The following LRRC8C variants were observed in gnomAD, a reference collection of about 807,000 sequenced individuals.
LRRC8C encodes leucine rich repeat containing 8 VRAC subunit C.
Under a neutral mutation model 55.3 loss-of-function variants are expected in LRRC8C, and 20 were observed. The ratio of observed to expected loss-of-function variants is 0.36; its 90% CI spans 0.25 to 0.53. LRRC8C has a LOEUF of 0.53. Among genes scored for constraint, LRRC8C ranks in the 20% least tolerant of loss-of-function variants. The probability of loss-of-function intolerance (pLI) is 0.92; values close to 1 mark genes in which losing one functional copy is unlikely to be tolerated. For missense variants in LRRC8C, 659 were observed against 951.4 expected (o/e 0.69, Z 4.04); for synonymous variants, 376 against 360.7 (o/e 1.04, Z -0.48).
Position 89,715,059 on chromosome 1 carries a change from T to A in LRRC8C, c.*77T>A. The A allele has an allele frequency of 1.0e-6, 1 of 963,228 alleles. No homozygotes were observed. Among genetic ancestry groups the A allele is most frequent in the South Asian group, 2.7e-5 (1 of 36,574 alleles). The allele number at this position is 963,228 out of a possible 1,614,324, so 59.7% of individuals were successfully genotyped here. On this transcript the variant is annotated 3_prime_UTR_variant, in exon 3 of 3. Transcript: ENST00000370454. Reference sequence around the variant, plus strand: ...AAATAATTAGGTAGTCTTAATGCCTTTCCTATTTTTTTTTCCTTTTCACAC... The same window carrying A: ...AAATAATTAGGTAGTCTTAATGCCTATCCTATTTTTTTTTCCTTTTCACAC...
At chr1:89,629,389 A>G (rs1440341892), upstream of LRRC8C, among the ~76,000 whole-genome samples, 1 of 152,208 alleles carries the variant, frequency 6.6e-6, no homozygotes, top group Non-Finnish European at 1.5e-5. Context: ...TAGAATGTAG[A>G]TTTTACTTGC....
chr1:89,664,491 A>G (rs1198289640), intron 1 of LRRC8C, among the ~76,000 whole-genome samples: 1 of 151,962 alleles, frequency 6.6e-6, no homozygotes, highest in African/African-American at 2.4e-5. Context: ...ATTCTGTTCC[A>G]TTGGTCTATA....
intron 2 of LRRC8C, among the ~76,000 whole-genome samples, chr1:89,704,566 A>G (rs2101336592): frequency 6.6e-6 from 1 of 152,314 alleles, no homozygotes; most frequent in Non-Finnish European, 1.5e-5. Flanking sequence ...GGAATGGTAT[A>G]CACCAAACTT....
rs546216645 is a variant in LRRC8C, at chr1:89,649,521, A to AT, written c.-5+16207dup. 5.6e-3 allele frequency among the ~76,000 whole-genome samples: 858 copies of AT among 152,016 alleles called. 3 individuals are homozygous for AT. The highest frequency in any genetic ancestry group is 9.6e-3 in the Non-Finnish European group (653 of 67,950). On this transcript the variant is annotated intron_variant, in intron 1 of 2. Transcript: ENST00000370454. The stretch of plus-strand genomic sequence containing the variant: ...TCTTTTTGTTGTGTGTCCAGAAAAG[A>AT]TTTTTTTTAAGATTTTCTTATTCTA...
intron 2 of LRRC8C, among the ~76,000 whole-genome samples, chr1:89,696,764 T>G (rs549757063): frequency 5.3e-5 from 8 of 152,192 alleles, no homozygotes; most frequent in African/African-American, 1.9e-4. Context: ...TCCTTTTCCT[T>G]AAAGGTCACC....
chr1:89,706,486 G>C, intron 2 of LRRC8C: 1 of 348,300 alleles, frequency 2.9e-6, no homozygotes. Flanking sequence ...TTCTAACAAA[G>C]GACTAAGACT....
In LRRC8C at chr1:89,713,943, T is replaced by C; in HGVS notation, c.1373T>C (p.Met458Thr). ...SLKLEIIKNV[M>T]IPATIAQLDN... ...AAACTTGAAATCATTAAGAACGTAA[T>C]GATACCAGCCACCATTGCACAGCTA... Residue 458 changes from methionine (M) to threonine (T), a missense_variant, in exon 3 of 3, where the codon ATG becomes ACG. Around this residue, in one of 5 missense-constraint regions of LRRC8C, gnomAD observed 344 missense variants for 464.6 expected, o/e 0.74. Transcript: ENST00000370454. This position sits in a 1 kb window ranked among gnomAD's most constrained non-coding sequence, Gnocchi z 5.2. 1 of 1,613,948 alleles carries C rather than the reference T, an allele frequency of 6.2e-7. No individual in the cohort carries two copies. Among genetic ancestry groups the C allele is most frequent in the South Asian group, 1.1e-5 (1 of 91,082 alleles).
At chr1:89,709,101 G>C (rs1472079461) in intron 2 of LRRC8C, among the ~76,000 whole-genome samples, 1 of 152,256 alleles carries the variant, frequency 6.6e-6, no homozygotes, top group East Asian at 1.9e-4. Context: ...AGAGTGAACA[G>C]AACTTCTGGA....
chr1:89,692,832 T>C lies in LRRC8C; in HGVS notation c.138+6221T>C, dbSNP rs115204964. Reference sequence around the variant, plus strand: ...CAAAAACTCAACACATTCAACAAAATAGACCATATCCTGAAAGGTCAACAC... The same window carrying C: ...CAAAAACTCAACACATTCAACAAAACAGACCATATCCTGAAAGGTCAACAC... On this transcript the variant is annotated intron_variant, in intron 2 of 2. Transcript: ENST00000370454. Among the ~76,000 whole-genome samples the C allele has an allele frequency of 2.9e-3, 441 of 152,302 alleles. 2 individuals are homozygous for C. The highest frequency in any genetic ancestry group is 9.9e-3 in the African/African-American group (413 of 41,560).
chr1:89,705,167 A>G (rs554472817), intron 2 of LRRC8C, among the ~76,000 whole-genome samples: 152 of 151,004 alleles, frequency 1.0e-3, no homozygotes, highest in African/African-American at 3.3e-3. Context: ...GTAAACTATC[A>G]CAAGAACAAA....
intron 2 of LRRC8C, among the ~76,000 whole-genome samples, chr1:89,697,273 A>T (rs1462794860): frequency 6.6e-6 from 1 of 152,224 alleles, no homozygotes; most frequent in Non-Finnish European, 1.5e-5. Context: ...ATCATTTAAA[A>T]ATATCCTTTT....
chr1:89,617,093 C>T, the LRRC8C span, among the ~76,000 whole-genome samples: 1 of 152,186 alleles, frequency 6.6e-6, no homozygotes, highest in East Asian at 1.9e-4. Context: ...TCCCATACAC[C>T]ACTATCACCA....
chr1:89,662,060 A>G (rs72712570), intron 1 of LRRC8C, among the ~76,000 whole-genome samples: 1,665 of 152,348 alleles, frequency 0.011, 10 homozygotes, highest in Non-Finnish European at 0.019. Context: ...TAACAGGGGC[A>G]TCCGATCTTT....
intron 2 of LRRC8C, among the ~76,000 whole-genome samples, chr1:89,705,654 G>A (rs747856059): frequency 1.3e-5 from 2 of 151,746 alleles, no homozygotes; most frequent in Non-Finnish European, 2.9e-5. Flanking sequence ...GGTGGTGCAG[G>A]CCCGTGGTCC....
At position 89,715,780 on chromosome 1, in the gene LRRC8C, T is replaced by C. The variant is rs373847197; in HGVS notation, c.*798T>C. ...TTTATTTTAATATTCTAATAGATAATTAAATTTTAAAATGATAGAAGCCTG... is the reference window on the plus strand; with the variant it reads ...TTTATTTTAATATTCTAATAGATAACTAAATTTTAAAATGATAGAAGCCTG... On this transcript the variant is annotated 3_prime_UTR_variant, in exon 3 of 3. Coordinates refer to ENST00000370454, the MANE Select transcript of LRRC8C (RefSeq NM_032270.5). 2 of 152,192 alleles carry C rather than the reference T, an allele frequency of 1.3e-5. No individual in the cohort carries two copies. The highest frequency in any genetic ancestry group is 4.1e-4 in the South Asian group (2 of 4,836). 9.4% of individuals were successfully genotyped at this position (152,192 alleles called of 1,614,324 possible).
chr1:89,657,666 G>A (rs565269004), intron 1 of LRRC8C, among the ~76,000 whole-genome samples: 4 of 150,348 alleles, frequency 2.7e-5, no homozygotes, highest in African/African-American at 9.8e-5. Context: ...GCTCGAACCC[G>A]GGAGGCAGAG....
intron 2 of LRRC8C, among the ~76,000 whole-genome samples, chr1:89,693,205 G>C (rs375893768): frequency 6.6e-6 from 1 of 152,158 alleles, no homozygotes; most frequent in Non-Finnish European, 1.5e-5. Context: ...TAGGACATGT[G>C]AGTTTTTTGG....
the LRRC8C span, among the ~76,000 whole-genome samples, chr1:89,618,661 A>C: frequency 2.0e-5 from 3 of 152,238 alleles, no homozygotes; most frequent in Admixed American, 6.5e-5. Context: ...TTTTGAAGTA[A>C]GATTTCATCT....
At chr1:89,656,990 C>T (rs1656962957) in intron 1 of LRRC8C, among the ~76,000 whole-genome samples, 3 of 152,186 alleles carry the variant, frequency 2.0e-5, no homozygotes, top group African/African-American at 4.8e-5. Context: ...CCCAAAGTCA[C>T]TAGCTAGTAG....
Sources: allele counts gnomAD v4.1 joint callset (sites outside exome capture counted in the v4.1 genomes callset), GRCh38; gene constraint gnomAD v4.1.1; regional missense constraint gnomAD v4.1.1; non-coding constraint Gnocchi (gnomAD v3.1); transcripts MANE v1.5; gene names NCBI Gene and HGNC (gene_info 2026-07-23, HGNC 2026-07-21).